Variants in SLC11A1 observed in about 807,000 individuals in gnomAD.
The protein encoded by SLC11A1 is solute carrier family 11 member 1.
A neutral mutation model predicts 63.2 loss-of-function variants in SLC11A1; 59 were observed. The observed-to-expected ratio is 0.93, with a 90% CI of 0.76 to 1.16. The LOEUF (loss-of-function observed/expected upper bound fraction) is 1.16, where lower values mean the gene tolerates loss of function less well. SLC11A1 is among the 50% of genes most tolerant of loss of function. The probability of loss-of-function intolerance (pLI) is 0.00; values close to 1 mark genes in which losing one functional copy is unlikely to be tolerated. For missense variants in SLC11A1, 688 were observed against 730.7 expected (o/e 0.94, Z 0.67); for synonymous variants, 305 against 307.8 (o/e 0.99, Z 0.09).
rs1466824924 is a variant in SLC11A1 at position 218,387,194 on chromosome 2, G to C, written c.535G>C (p.Val179Leu). 6.2e-7 allele frequency: 1 copy of C among 1,614,004 alleles called. No individual in the cohort carries two copies. The highest frequency in any genetic ancestry group is 1.7e-5 in the Admixed American group (1 of 59,990). The change falls in exon 6 of 15, where the codon GTG becomes CTG. Residue 179 changes from valine to leucine, a missense_variant. Coordinates refer to ENST00000233202, the MANE Select transcript of SLC11A1 (RefSeq NM_000578.4). ...PLWGGVLITI[V>L]DTFFFLFLDN... Reference sequence around the variant, plus strand: ...CTGGGGTGGCGTCCTCATCACCATCGTGGACACCTTCTTCTTCCTCTTCCT... The same window carrying C: ...CTGGGGTGGCGTCCTCATCACCATCCTGGACACCTTCTTCTTCCTCTTCCT...
At chr2:218,393,533 G>C (rs1696579240) in intron 12 of SLC11A1, among the ~76,000 whole-genome samples, 1 of 147,734 alleles carries the variant, frequency 6.8e-6, no homozygotes, top group Non-Finnish European at 1.5e-5. Flanking sequence ...CTAGAGTGCA[G>C]TGGTGAGATC....
intron 11 of SLC11A1, chr2:218,392,131 G>C (rs1316489232): frequency 1.3e-5 from 5 of 388,018 alleles, no homozygotes. Context: ...GTGCAATGGC[G>C]CGATCTCCGG....
chr2:218,396,276 T>A lies in SLC11A1; in HGVS notation c.*1241T>A, dbSNP rs1489670412. 1 of 152,336 alleles carries A rather than the reference T, an allele frequency of 6.6e-6. No homozygotes were observed. Among genetic ancestry groups the A allele is most frequent in the Admixed American group, 6.5e-5 (1 of 15,290 alleles). 9.4% of individuals were successfully genotyped at this position (152,336 alleles called of 1,614,324 possible). ...CCTTAGGGAGCGGCTGGGCACCCAT[T>A]CGCCCCATTCAGGGGCTGCACTTTA... On this transcript the variant is annotated 3_prime_UTR_variant, in exon 15 of 15. Transcript: ENST00000233202.
rs773760772 is a variant in SLC11A1 at position 218,393,113 on chromosome 2, G to C, written c.1297G>C (p.Val433Leu). The change falls in exon 12 of 15, where the codon GTG (valine) becomes CTG (leucine). Residue 433 changes from valine to leucine, a missense_variant. Physicochemically the swap from Val to Leu is conservative, Grantham distance 32 (BLOSUM62 1). Transcript: ENST00000233202. ...GTCGGGCCTCAATGATCTGCTCAAC[G>C]TGCTGCAGAGCCTGCTGGTGAGATG... The part of the protein sequence containing the change: ...DLSGLNDLLN[V>L]LQSLLLPFAV... 4 of 1,582,544 alleles carry C rather than the reference G, an allele frequency of 2.5e-6. No homozygotes were observed. Among genetic ancestry groups the C allele is most frequent in the East Asian group, 4.7e-5 (2 of 42,514 alleles).
In SLC11A1 at chr2:218,384,207, G is replaced by A. The variant is rs760744329; in HGVS notation, c.151-36G>A. The A allele has an allele frequency of 1.9e-6, 3 of 1,561,260 alleles. No individual in the cohort carries two copies. Among genetic ancestry groups the A allele is most frequent in the Non-Finnish European group, 8.7e-7 (1 of 1,144,820 alleles). On this transcript the variant is annotated intron_variant, in intron 2 of 14. Coordinates refer to ENST00000233202, the MANE Select transcript of SLC11A1 (RefSeq NM_000578.4). This position sits in a 1 kb window ranked among gnomAD's most constrained non-coding sequence, Gnocchi z 4.0. ...CCAGCTGCCACCATCCCTATACCCAGGACCCCCTCACTCTACTCCTCCCAC... is the reference window on the plus strand; with the variant it reads ...CCAGCTGCCACCATCCCTATACCCAAGACCCCCTCACTCTACTCCTCCCAC...
intron 11 of SLC11A1, chr2:218,392,076 T>TC: frequency 2.5e-6 from 1 of 398,040 alleles, no homozygotes; most frequent in Non-Finnish European, 5.0e-6. Context: ...TTTCTTTCTT[T>TC]CCTTTTTTTT....
intron 8 of SLC11A1, among the ~76,000 whole-genome samples, chr2:218,388,884 G>A (rs1696275721): frequency 6.6e-6 from 1 of 152,206 alleles, no homozygotes; most frequent in African/African-American, 2.4e-5. Flanking sequence ...GGCAGAGGCA[G>A]GTGGATCGCT....
In SLC11A1 at chr2:218,386,716, GC is replaced by G. The variant is rs750757237; in HGVS notation, c.476del (p.Ala159AspfsTer45). 2 of 1,614,026 alleles carry G rather than the reference GC, an allele frequency of 1.2e-6. No individual in the cohort carries two copies. Among genetic ancestry groups the G allele is most frequent in the South Asian group, 2.2e-5 (2 of 91,076 alleles). Reference protein sequence around the residue: ...DMQEVIGTAIAFNLLSAGRIP... With the variant: ...DMQEVIGTAIXFNLLSAGRIP... ...GCAGGAAGTCATCGGCACGGCCATT[GC>G]ATTCAATCTGCTCTCAGCTGGACGG... On this transcript the variant is annotated frameshift_variant, in exon 5 of 15. Transcript: ENST00000233202. LOFTEE classifies it high-confidence loss of function.
chr2:218,390,210 C>T (rs1041668885), intron 9 of SLC11A1, among the ~76,000 whole-genome samples, 182 bp downstream of exon 9: 3 of 152,088 alleles, frequency 2.0e-5, no homozygotes, highest in Non-Finnish European at 2.9e-5. Flanking sequence ...CCAAGCACAT[C>T]CTAGACCCTG....
rs377625960 is a variant in SLC11A1, at chr2:218,391,227, C to T, written c.984C>T (p.His328=). The T allele has an allele frequency of 9.9e-6, 16 of 1,613,910 alleles. No homozygotes were observed. Among genetic ancestry groups the T allele is most frequent in the South Asian group, 3.3e-5 (3 of 91,074 alleles). ...ACATCTGTGCCAACAGCAGCCTCCA[C>T]GACTACGCCAAGATCTTCCCCATGA... ...AFNICANSSL[H]DYAKIFPMNN... is the part of the protein sequence containing the mutation. Residue 328 remains histidine (H), a synonymous_variant, in exon 10 of 15, where the codon CAC becomes CAT. Coordinates refer to ENST00000233202, the MANE Select transcript of SLC11A1 (RefSeq NM_000578.4).
intron 8 of SLC11A1, among the ~76,000 whole-genome samples, chr2:218,388,717 G>A (rs1055935018): frequency 2.6e-5 from 4 of 152,100 alleles, no homozygotes; most frequent in Non-Finnish European, 5.9e-5. Context: ...CAGGAGAATC[G>A]CTTGAAGCCA....
chr2:218,382,407 T>C (rs751766241), intron 1 of SLC11A1, 32 bp downstream of exon 1: 34 of 1,611,894 alleles, frequency 2.1e-5, no homozygotes, highest in Admixed American at 3.3e-5. Flanking sequence ...CAGAGCCTGA[T>C]TGGGGGGTGG....
At chr2:218,391,824 T>C (rs1696472723) in intron 11 of SLC11A1, 1 of 296,878 alleles carries the variant, frequency 3.4e-6, no homozygotes, top group Non-Finnish European at 6.5e-6. Context: ...GGTTTCGCCA[T>C]GTTGGCCAGG....
rs367962836 is a variant in SLC11A1 at position 218,390,886 on chromosome 2, G to GA, written c.955-302dup. Among the ~76,000 whole-genome samples the GA allele has an allele frequency of 5.7e-3, 850 of 148,420 alleles. 5 individuals are homozygous for GA. The highest frequency in any genetic ancestry group is 0.021 in the Middle Eastern group (6 of 286). ...ATGTTGGCAACAAATCCACATTAAA[G>GA]AAAAAAAAAACCCGGCCGGGTGCGG... On this transcript the variant is annotated intron_variant, in intron 9 of 14. Transcript: ENST00000233202.
chr2:218,394,064 C>A, intron 12 of SLC11A1, 56 bp from the exon 13 acceptor site: 2 of 1,591,208 alleles, frequency 1.3e-6, no homozygotes, highest in Non-Finnish European at 1.7e-6. Flanking sequence ...TTGCCCCCAC[C>A]CTTGCCATAT....
rs1695850917 is a variant in SLC11A1, at chr2:218,382,305, T to C, written c.-64T>C. Reference sequence around the variant, plus strand: ...CTTGCACCAGTGCCCAGAGAGGGGGTGCAGGCTGAGGAGCTGCCCAGAGCA... The same window carrying C: ...CTTGCACCAGTGCCCAGAGAGGGGGCGCAGGCTGAGGAGCTGCCCAGAGCA... On this transcript the variant is annotated 5_prime_UTR_variant, in exon 1 of 15. Coordinates refer to ENST00000233202, the MANE Select transcript of SLC11A1 (RefSeq NM_000578.4). 1.3e-6 allele frequency: 2 copies of C among 1,596,730 alleles called. No homozygotes were observed. The highest frequency in any genetic ancestry group is 4.5e-5 in the East Asian group (2 of 44,514).
At position 218,395,141 on chromosome 2, in the gene SLC11A1, A is replaced by C. The variant is rs1417319275; in HGVS notation, c.*106A>C. On this transcript the variant is annotated 3_prime_UTR_variant, in exon 15 of 15. Transcript: ENST00000233202. ...AGGATAGAGTGGGACAGTTCCTGAG[A>C]CCAGCCAACCTGGGGGCTTTAGGGA... The C allele has an allele frequency of 9.9e-6, 8 of 811,824 alleles. No individual in the cohort carries two copies. The highest frequency in any genetic ancestry group is 1.4e-5 in the Non-Finnish European group (7 of 506,414). 50.3% of individuals were successfully genotyped at this position (811,824 alleles called of 1,614,324 possible). A position where few individuals can be genotyped will look rare whatever the true frequency, so the allele number is the denominator to read the frequency against.
chr2:218,393,887 TGGCAG>T (rs1559125128), intron 12 of SLC11A1, among the ~76,000 whole-genome samples: 2 of 152,164 alleles, frequency 1.3e-5, no homozygotes, highest in East Asian at 3.9e-4. Context: ...AAGTTACTAG[TGGCAG>T]GGCTTGGATT....
intron 2 of SLC11A1, 158 bp downstream of exon 2, chr2:218,383,260 C>T (rs755040943): frequency 1.3e-4 from 92 of 720,024 alleles, no homozygotes; most frequent in African/African-American, 2.0e-4. Context: ...TTCCTGCTTC[C>T]GTCCCCAGTG....
Sources: allele counts gnomAD v4.1 joint callset (sites outside exome capture counted in the v4.1 genomes callset), GRCh38; gene constraint gnomAD v4.1.1; non-coding constraint Gnocchi (gnomAD v3.1); transcripts MANE v1.5; gene names NCBI Gene and HGNC (gene_info 2026-07-23, HGNC 2026-07-21).